The following LRRC43 variants were observed in gnomAD, a reference collection of about 807,000 sequenced individuals.
The protein encoded by LRRC43 is leucine rich repeat containing 43.
Under a neutral mutation model 64.3 loss-of-function variants are expected in LRRC43, and 62 were observed. That is an observed-to-expected ratio of 0.96 (90% CI 0.79 to 1.19). The LOEUF is 1.19. Among genes scored for constraint, LRRC43 ranks in the 50% most tolerant of loss-of-function variants. LRRC43 has a pLI of 0.00. For synonymous variants in LRRC43, 422 were observed against 382.3 expected (o/e 1.10, Z -1.21); for missense variants, 868 against 845.0 (o/e 1.03, Z -0.34).
chr12:122,173,666 A>G (rs1225708876), intron 1 of LRRC43, among the ~76,000 whole-genome samples: 1 of 151,186 alleles, frequency 6.6e-6, no homozygotes, highest in Non-Finnish European at 1.5e-5. Flanking sequence ...CCTGGGTGAC[A>G]GAGTAAGACT....
chr12:122,193,101 C>CG, intron 7 of LRRC43, 97 bp downstream of exon 7: 1 of 1,361,034 alleles, frequency 7.3e-7, no homozygotes, highest in East Asian at 2.5e-5. Context: ...CTGAGGCTGG[C>CG]GGGGCGCGGT....
At position 122,177,991 on chromosome 12, in the gene LRRC43, C is replaced by A. The variant is rs181969846; in HGVS notation, c.-405-6528C>A. On this transcript the variant is annotated intron_variant, in intron 1 of 5. Transcript: ENST00000537729. ...TAACTGGGATTACAGGTACGTGCCACCATGCCTGGTTAATTTTTGTATTTT... is the reference window on the plus strand; with the variant it reads ...TAACTGGGATTACAGGTACGTGCCAACATGCCTGGTTAATTTTTGTATTTT... Among the ~76,000 whole-genome samples the A allele has an allele frequency of 8.6e-5, 13 of 151,954 alleles. No homozygotes were observed. The East Asian group carries it at 2.3e-3, about 27-fold the overall frequency.
upstream of LRRC43, among the ~76,000 whole-genome samples, chr12:122,179,692 G>C (rs1953565523): frequency 1.3e-5 from 2 of 152,162 alleles, no homozygotes; most frequent in South Asian, 4.1e-4. Context: ...GAAAAAGAAG[G>C]CTGGGTGCGG....
At chr12:122,190,869 TG>T (rs2136045075) in intron 5 of LRRC43, among the ~76,000 whole-genome samples, 1 of 140,446 alleles carries the variant, frequency 7.1e-6, no homozygotes, top group South Asian at 2.3e-4. Context: ...AAAAAAAAGG[TG>T]GTGTGGGAGG....
chr12:122,200,109 T>C lies in LRRC43; in HGVS notation c.1350-80T>C, dbSNP rs1953817690. ...TCGATGCTCGTGGTCTCCTCGGATG[T>C]CCCCTCACAGTCCTGTCCCGGGTCC... On this transcript the variant is annotated intron_variant, in intron 7 of 11. Transcript: ENST00000339777. The surrounding 1 kb of genome is among the most constrained non-coding windows in gnomAD (Gnocchi z 4.6). The C allele has an allele frequency of 6.8e-7, 1 of 1,476,678 alleles. No individual in the cohort carries two copies. The allele number at this position is 1,476,678 out of a possible 1,614,324, so 91.5% of individuals were successfully genotyped here.
chr12:122,181,898 G>A (rs1352553147), upstream of LRRC43, among the ~76,000 whole-genome samples: 4 of 151,576 alleles, frequency 2.6e-5, no homozygotes, highest in African/African-American at 7.3e-5. Context: ...GAGCCATCGC[G>A]CCCAGCCTAA....
chr12:122,184,683 C>T lies in LRRC43; in HGVS notation c.315C>T (p.Asp105=). 1 of 1,613,984 alleles carries T rather than the reference C, an allele frequency of 6.2e-7. No individual in the cohort carries two copies. The highest frequency in any genetic ancestry group is 8.5e-7 in the Non-Finnish European group (1 of 1,179,866). Residue 105 remains aspartate (D), a synonymous_variant, in exon 2 of 12, where the codon GAC becomes GAT. Coordinates refer to ENST00000339777, the MANE Select transcript of LRRC43 (RefSeq NM_001098519.2). The surrounding 1 kb of genome is among the most constrained non-coding windows in gnomAD (Gnocchi z 4.0). The part of the protein sequence containing the change: ...WALLNNSNAE[D]SFLRELAIRN... ...TGCTGAACAACTCGAATGCAGAAGA[C>T]AGTTTCCTGAGAGAATTGGCCATCC...
chr12:122,172,810 T>C (rs1953499277), intron 1 of LRRC43: 3 of 1,239,246 alleles, frequency 2.4e-6, no homozygotes, highest in Non-Finnish European at 3.4e-6. Flanking sequence ...CAGTGAATGT[T>C]TGCATGCTTC....
Position 122,201,320 on chromosome 12 carries a change from G to T in LRRC43, c.1834G>T (p.Ala612Ser). The change falls in exon 11 of 12, where the codon GCC (alanine) becomes TCC (serine). Residue 612 changes from alanine to serine, a missense_variant. By Grantham distance (99) the Ala-to-Ser change is moderately conservative (BLOSUM62 1). Transcript: ENST00000339777. Reference protein sequence around the residue: ...ARDSKKIKKVAKKEKPKAVIP... With the variant: ...ARDSKKIKKVSKKEKPKAVIP... ...GGATTCAAAGAAGATTAAGAAAGTT[G>T]CCAAAAAAGGTGAGTGCCGATGGTG... 1 of 1,614,088 alleles carries T rather than the reference G, an allele frequency of 6.2e-7. No individual in the cohort carries two copies. Among genetic ancestry groups the T allele is most frequent in the Non-Finnish European group, 8.5e-7 (1 of 1,179,956 alleles).
intron 3 of LRRC43, 81 bp downstream of exon 3, chr12:122,186,381 GCCAGCATGGGT>G: frequency 2.3e-6 from 2 of 866,648 alleles, no homozygotes; most frequent in Non-Finnish European, 3.7e-6. Context: ...ACATAGTGTG[GCCAGCATGGGT>G]GGAGGGTAAG....
At chr12:122,176,772 A>G (rs1953540585) in intron 1 of LRRC43, among the ~76,000 whole-genome samples, 3 of 151,874 alleles carry the variant, frequency 2.0e-5, no homozygotes, top group Non-Finnish European at 4.4e-5. Context: ...CTCGTGCCTC[A>G]GCCTCCTGAG....
rs765134366 is a variant in LRRC43 at position 122,190,298 on chromosome 12, C to G, written c.831C>G (p.Leu277=). The change falls in exon 5 of 12, where the codon CTC becomes CTG. Residue 277 remains leucine (L), a synonymous_variant. Transcript: ENST00000339777. ...TCACCATCGACAGCCTGGCCCAGCT[C>G]TGCGTGCTGGACGACATCACCGTGT... ...RGLTIDSLAQ[L]CVLDDITVSP... is the part of the protein sequence containing the mutation. 2 of 1,614,158 alleles carry G rather than the reference C, an allele frequency of 1.2e-6. No homozygotes were observed. Among genetic ancestry groups the G allele is most frequent in the South Asian group, 2.2e-5 (2 of 91,064 alleles).
Position 122,200,065 on chromosome 12 carries a change from C to T in LRRC43, c.1350-124C>T. 1 of 1,067,996 alleles carries T rather than the reference C, an allele frequency of 9.4e-7. No homozygotes were observed. The highest frequency in any genetic ancestry group is 1.5e-5 in the South Asian group (1 of 65,390). The allele number at this position is 1,067,996 out of a possible 1,614,324, so 66.2% of individuals were successfully genotyped here. On this transcript the variant is annotated intron_variant, in intron 7 of 11. Coordinates refer to ENST00000339777, the MANE Select transcript of LRRC43 (RefSeq NM_001098519.2). This position sits in a 1 kb window ranked among gnomAD's most constrained non-coding sequence, Gnocchi z 4.6. ...GCCTGGTGGCAGCCGGACCTCACGTCTCATGCTGTTTGTGGGCTTCGATGC... is the reference window on the plus strand; with the variant it reads ...GCCTGGTGGCAGCCGGACCTCACGTTTCATGCTGTTTGTGGGCTTCGATGC...
chr12:122,180,910 T>C (rs965170259), upstream of LRRC43, among the ~76,000 whole-genome samples: 21 of 152,158 alleles, frequency 1.4e-4, no homozygotes, highest in African/African-American at 4.8e-4. Flanking sequence ...TATGGACTCA[T>C]AGATATTTAT....
At chr12:122,172,821 C>T in intron 1 of LRRC43, 16 of 1,092,100 alleles carry the variant, frequency 1.5e-5, no homozygotes, top group Non-Finnish European at 2.0e-5. Context: ...TGCATGCTTC[C>T]TCCGTAACCC....
chr12:122,185,605 C>G (rs1381373319), intron 2 of LRRC43, among the ~76,000 whole-genome samples: 1 of 152,196 alleles, frequency 6.6e-6, no homozygotes, highest in Non-Finnish European at 1.5e-5. Context: ...TTTTCCAGAG[C>G]CACTGGGAAG....
chr12:122,198,848 GT>G, intron 7 of LRRC43, among the ~76,000 whole-genome samples: 1 of 151,834 alleles, frequency 6.6e-6, no homozygotes, highest in South Asian at 2.1e-4. Context: ...GCCCAGGCTG[GT>G]TTTGAACTCC....
Position 122,200,847 on chromosome 12 carries a change from C to G in LRRC43, c.1722C>G (p.Pro574=). The G allele has an allele frequency of 6.2e-7, 1 of 1,613,192 alleles. No homozygotes were observed. The highest frequency in any genetic ancestry group is 1.3e-5 in the African/African-American group (1 of 75,040). ...VLGRGLVILE[P]LLAGEPLVST... ...GCCGGGGCCTGGTGATCCTGGAGCC[C>G]CTGCTCGCCGGGGAGCCCCTGGTGT... The change falls in exon 10 of 12, where the codon CCC becomes CCG. Residue 574 remains proline (P), a synonymous_variant. Transcript: ENST00000339777. The surrounding 1 kb of genome is among the most constrained non-coding windows in gnomAD (Gnocchi z 4.6).
In LRRC43 at chr12:122,200,971, C is replaced by T. The variant is rs749684333; in HGVS notation, c.1809+37C>T. ...CCCTAGCCACATCCTCCACCTCTGCCTTCGCCCTCCCCATGGGAACCCCGC... is the reference window on the plus strand; with the variant it reads ...CCCTAGCCACATCCTCCACCTCTGCTTTCGCCCTCCCCATGGGAACCCCGC... On this transcript the variant is annotated intron_variant, in intron 10 of 11. Coordinates refer to ENST00000339777, the MANE Select transcript of LRRC43 (RefSeq NM_001098519.2). This position sits in a 1 kb window ranked among gnomAD's most constrained non-coding sequence, Gnocchi z 4.6. 2.6e-6 allele frequency: 4 copies of T among 1,545,856 alleles called. No homozygotes were observed. The highest frequency in any genetic ancestry group is 3.5e-6 in the Non-Finnish European group (4 of 1,148,330).
Sources: allele counts gnomAD v4.1 joint callset (sites outside exome capture counted in the v4.1 genomes callset), GRCh38; gene constraint gnomAD v4.1.1; non-coding constraint Gnocchi (gnomAD v3.1); transcripts MANE v1.5; gene names NCBI Gene and HGNC (gene_info 2026-07-23, HGNC 2026-07-21).